The following SLC41A1 variants were observed in gnomAD, a reference collection of about 807,000 sequenced individuals.
The protein encoded by SLC41A1 is solute carrier family 41 (magnesium transporter), member 1.
Under a neutral mutation model 47.3 loss-of-function variants are expected in SLC41A1, and 20 were observed. That is an observed-to-expected ratio of 0.42 (90% CI 0.30 to 0.61). The LOEUF (loss-of-function observed/expected upper bound fraction) is 0.61. SLC41A1 is among the 20% of genes least tolerant of loss of function. SLC41A1 has a pLI of 0.17. For synonymous variants in SLC41A1, 282 were observed against 272.7 expected, an observed-to-expected ratio of 1.03 and a Z score of -0.34; for missense variants, 504 against 674.1, an observed-to-expected ratio of 0.75 and a Z score of 2.79.
intron 10 of SLC41A1, among the ~76,000 whole-genome samples, chr1:205,794,146 G>A (rs58497333): frequency 1.2e-4 from 6 of 51,468 alleles, no homozygotes; most frequent in Admixed American, 4.1e-4. Context: ...GAACACACAC[G>A]CACACACACA....
chr1:205,793,591 G>A (rs1169506225), intron 10 of SLC41A1, among the ~76,000 whole-genome samples: 1 of 152,240 alleles, frequency 6.6e-6, no homozygotes, highest in Admixed American at 6.5e-5. Context: ...GGGCTGGAGG[G>A]ATAGGTGTTA....
At chr1:205,799,540 C>T (rs1388785348) in intron 4 of SLC41A1, among the ~76,000 whole-genome samples, 1 of 152,162 alleles carries the variant, frequency 6.6e-6, no homozygotes, top group African/African-American at 2.4e-5. Flanking sequence ...GGCACGTGCA[C>T]CACCAAGAAC....
chr1:205,812,951 C>A lies in SLC41A1; in HGVS notation c.-790G>T. Reference sequence around the variant, plus strand: ...CCGGCGTGCCCCCCCACACCCCCAGCCAAGGCGAGCGTCCAGCCGCGACAC... The same window carrying A: ...CCGGCGTGCCCCCCCACACCCCCAGACAAGGCGAGCGTCCAGCCGCGACAC... On this transcript the variant is annotated 5_prime_UTR_variant, in exon 1 of 11. Transcript: ENST00000367137. 1.0e-6 allele frequency: 1 copy of A among 985,852 alleles called. No individual in the cohort carries two copies. Among genetic ancestry groups the A allele is most frequent in the South Asian group, 4.7e-5 (1 of 21,294 alleles). 61.1% of individuals were successfully genotyped at this position (985,852 alleles called of 1,614,324 possible).
intron 8 of SLC41A1, chr1:205,795,778 G>T: frequency 2.1e-6 from 1 of 477,220 alleles, no homozygotes; most frequent in African/African-American, 2.0e-5. Context: ...GATACGTGCA[G>T]ATCTGCAGAC....
chr1:205,804,981 C>T (rs1426566859), intron 2 of SLC41A1, among the ~76,000 whole-genome samples: 1 of 152,214 alleles, frequency 6.6e-6, no homozygotes, highest in African/African-American at 2.4e-5. Flanking sequence ...CTAAGTTCCT[C>T]TGGTTGCTAC....
chr1:205,808,189 C>T (rs1656059827), intron 2 of SLC41A1, among the ~76,000 whole-genome samples: 1 of 152,148 alleles, frequency 6.6e-6, no homozygotes, highest in Non-Finnish European at 1.5e-5. Context: ...CTCCTGACCT[C>T]AGGTGATCCG....
chr1:205,792,932 C>CCT (rs914498953), intron 10 of SLC41A1, among the ~76,000 whole-genome samples: 4 of 150,046 alleles, frequency 2.7e-5, no homozygotes, highest in Non-Finnish European at 3.0e-5. Context: ...GCTCTCCTGT[C>CCT]CTCTCTCTTT....
chr1:205,810,860 A>G lies in SLC41A1; in HGVS notation c.-419T>C, dbSNP rs1421198081. On this transcript the variant is annotated 5_prime_UTR_variant, in exon 2 of 11. Transcript: ENST00000367137. This position sits in a 1 kb window ranked among gnomAD's most constrained non-coding sequence, Gnocchi z 5.5. Reference sequence around the variant, plus strand: ...AAGTGGCCCCTCTTCCGTAAAAAGCAGCTTGAGTTCAAATCTTTCAGAACA... The same window carrying G: ...AAGTGGCCCCTCTTCCGTAAAAAGCGGCTTGAGTTCAAATCTTTCAGAACA... 4.5e-6 allele frequency: 1 copy of G among 223,340 alleles called. No individual in the cohort carries two copies. Among genetic ancestry groups the G allele is most frequent in the Non-Finnish European group, 9.0e-6 (1 of 110,732 alleles). 13.8% of individuals were successfully genotyped at this position (223,340 alleles called of 1,614,324 possible).
In SLC41A1 at chr1:205,791,544, C is replaced by T. The variant is rs1558077509; in HGVS notation, c.1531G>A (p.Val511Ile). ...LWLIGDRDTD[V>I]GD ...GTTGAGTGACCAAGCTAGTCCCCGA[C>T]ATCCGTGTCTCGGTCCCCTATGAGC... Residue 511 changes from valine (V) to isoleucine (I), a missense_variant, in exon 11 of 11, where the codon GTC (valine) becomes ATC (isoleucine). Transcript: ENST00000367137. This position sits in a 1 kb window ranked among gnomAD's most constrained non-coding sequence, Gnocchi z 4.0. 1 of 1,614,122 alleles carries T rather than the reference C, an allele frequency of 6.2e-7. No individual in the cohort carries two copies. The highest frequency in any genetic ancestry group is 8.5e-7 in the Non-Finnish European group (1 of 1,180,028).
rs1477090738 is a variant in SLC41A1, at chr1:205,791,821, C to T, written c.1357-103G>A. On this transcript the variant is annotated intron_variant, in intron 10 of 10. Coordinates refer to ENST00000367137, the MANE Select transcript of SLC41A1 (RefSeq NM_173854.6). This position sits in a 1 kb window ranked among gnomAD's most constrained non-coding sequence, Gnocchi z 4.0. ...TCAGTGCATCACAGGGCTTGGCTGG[C>T]CATAATCCTTACTTTTTAATCTTCC... The T allele has an allele frequency of 3.5e-6, 5 of 1,415,674 alleles. No individual in the cohort carries two copies. The East Asian group carries it at 9.9e-5, about 28-fold the overall frequency. 87.7% of individuals were successfully genotyped at this position (1,415,674 alleles called of 1,614,324 possible).
chr1:205,798,632 C>A (rs755804522), intron 6 of SLC41A1, 37 bp downstream of exon 6: 1 of 1,614,148 alleles, frequency 6.2e-7, no homozygotes. Flanking sequence ...CCCAACCCCA[C>A]CCAGGACTCC....
chr1:205,797,865 G>A lies in SLC41A1; in HGVS notation c.992+39C>T, dbSNP rs753240992. 69 of 1,613,480 alleles carry A rather than the reference G, an allele frequency of 4.3e-5. No individual in the cohort carries two copies. In the South Asian group the frequency reaches 7.0e-4, roughly 16 times the overall value. The stretch of plus-strand genomic sequence containing the variant: ...TTAAAAAGAAGTCTGTGGAAGGGTT[G>A]GAGTGGGGTAGGAGTGGATACTCAG... On this transcript the variant is annotated intron_variant, in intron 7 of 10. Transcript: ENST00000367137.
chr1:205,793,151 C>T (rs1655662838), intron 10 of SLC41A1, among the ~76,000 whole-genome samples: 1 of 152,174 alleles, frequency 6.6e-6, no homozygotes. Context: ...GCCTTTGGGA[C>T]ATGCCCTAGG....
chr1:205,798,099 C>T, intron 6 of SLC41A1, 48 bp from the exon 7 acceptor site: 2 of 1,613,372 alleles, frequency 1.2e-6, no homozygotes, highest in Non-Finnish European at 1.7e-6. Flanking sequence ...TTTCCCTACC[C>T]TAAGTTTCTC....
chr1:205,800,433 C>T (rs1449963023), intron 3 of SLC41A1, among the ~76,000 whole-genome samples: 2 of 152,190 alleles, frequency 1.3e-5, no homozygotes, highest in Admixed American at 1.3e-4. Context: ...GGAATCGTCA[C>T]GGCTCACAAC....
Position 205,791,186 on chromosome 1 carries a change from T to C in SLC41A1, c.*347A>G, listed in dbSNP as rs1225118446. The C allele has an allele frequency of 3.0e-6, 1 of 335,348 alleles. No homozygotes were observed. The highest frequency in any genetic ancestry group is 4.3e-5 in the Admixed American group (1 of 23,442). The allele number at this position is 335,348 out of a possible 1,614,324, so 20.8% of individuals were successfully genotyped here. A position where few individuals can be genotyped will look rare whatever the true frequency, so the allele number is the denominator to read the frequency against. ...AGCCCACTTACAAAGGGTTTCTCAT[T>C]AGGGCCAAGACAGGTTGCTAAAGCC... On this transcript the variant is annotated 3_prime_UTR_variant, in exon 11 of 11. Transcript: ENST00000367137. The surrounding 1 kb of genome is among the most constrained non-coding windows in gnomAD (Gnocchi z 4.0).
At chr1:205,798,879 A>G in intron 5 of SLC41A1, 64 bp from the exon 6 acceptor site, 2 of 1,614,114 alleles carry the variant, frequency 1.2e-6, no homozygotes, top group Non-Finnish European at 1.7e-6. Context: ...TCAACAAACA[A>G]AAAGAGAGAG....
intron 2 of SLC41A1, among the ~76,000 whole-genome samples, chr1:205,807,329 G>C (rs1656035957): frequency 6.6e-6 from 1 of 152,116 alleles, no homozygotes. Context: ...GGACAAACCT[G>C]TCATTGTCAT....
chr1:205,799,341 T>A (rs1233304668), intron 4 of SLC41A1, among the ~76,000 whole-genome samples: 1 of 152,188 alleles, frequency 6.6e-6, no homozygotes, highest in East Asian at 1.9e-4. Flanking sequence ...TGAATGAGTG[T>A]GCCTCTGGGG....
Sources: allele counts gnomAD v4.1 joint callset (sites outside exome capture counted in the v4.1 genomes callset), GRCh38; gene constraint gnomAD v4.1.1; non-coding constraint Gnocchi (gnomAD v3.1); transcripts MANE v1.5; gene names NCBI Gene and HGNC (gene_info 2026-07-23, HGNC 2026-07-21).